The following LRRTM4 variants were observed in gnomAD, a reference collection of about 807,000 sequenced individuals.
LRRTM4 encodes the protein leucine-rich repeat transmembrane neuronal protein 4.
In LRRTM4, 25 loss-of-function variants were observed where a neutral mutation model predicts 47.6. The observed-to-expected ratio is 0.53, with a 90% CI of 0.38 to 0.73. The LOEUF (loss-of-function observed/expected upper bound fraction) is 0.73. Ranked by LOEUF, LRRTM4 falls within the 30% of genes least tolerant of loss-of-function variation. The pLI is 0.00. For synonymous variants in LRRTM4, 311 were observed against 269.5 expected (o/e 1.15, Z -1.51); for missense variants, 638 against 713.4 (o/e 0.89, Z 1.20).
rs140361072 is a variant in LRRTM4, at chr2:76,974,309, G to C, written c.1552-225393C>G. Among the ~76,000 whole-genome samples, 706 of 147,326 alleles carry C rather than the reference G, an allele frequency of 4.8e-3. 4 individuals are homozygous for C. Among genetic ancestry groups the C allele is most frequent in the South Asian group, 0.018 (87 of 4,726 alleles). ...TTGACATACCAGAGCATTATCAATGGTTTAACAGAATTTAAGCCTATTTTG... is the reference window on the plus strand; with the variant it reads ...TTGACATACCAGAGCATTATCAATGCTTTAACAGAATTTAAGCCTATTTTG... On this transcript the variant is annotated intron_variant, in intron 3 of 3. Transcript: ENST00000409884.
intron 3 of LRRTM4, among the ~76,000 whole-genome samples, chr2:76,885,048 A>C (rs755840431): frequency 1.3e-5 from 2 of 152,114 alleles, no homozygotes; most frequent in Non-Finnish European, 2.9e-5. Context: ...AAAAATACTT[A>C]TAATAAATAT....
chr2:77,089,826 G>A (rs937238078), intron 3 of LRRTM4, among the ~76,000 whole-genome samples: 1 of 152,058 alleles, frequency 6.6e-6, no homozygotes, highest in Non-Finnish European at 1.5e-5. Flanking sequence ...TTTCCATCCT[G>A]CAATATCTAA....
intron 3 of LRRTM4, among the ~76,000 whole-genome samples, chr2:77,099,487 T>C (rs1485323064): frequency 1.3e-5 from 2 of 152,026 alleles, no homozygotes; most frequent in Non-Finnish European, 2.9e-5. Flanking sequence ...ATATAAGATA[T>C]GTTAATAATC....
At chr2:77,253,939 T>G (rs72809132) in intron 3 of LRRTM4, among the ~76,000 whole-genome samples, 1 of 151,952 alleles carries the variant, frequency 6.6e-6, no homozygotes, top group Non-Finnish European at 1.5e-5. Flanking sequence ...GTTGAAAAGA[T>G]AGTTAAAGAA....
chr2:77,296,501 A>C (rs1043902397), intron 3 of LRRTM4, among the ~76,000 whole-genome samples: 1 of 152,074 alleles, frequency 6.6e-6, no homozygotes, highest in Admixed American at 6.6e-5. Context: ...GTTGTTCCTG[A>C]ACACAATTTT....
intron 3 of LRRTM4, among the ~76,000 whole-genome samples, chr2:77,130,428 A>G (rs182477467): frequency 1.4e-3 from 220 of 152,284 alleles, no homozygotes; most frequent in African/African-American, 4.8e-3. Flanking sequence ...TTTGTACACT[A>G]TGGAGTATTT....
At chr2:77,285,340 T>TATATATATA (rs1676621332) in intron 3 of LRRTM4, among the ~76,000 whole-genome samples, 1 of 82,610 alleles carries the variant, frequency 1.2e-5, no homozygotes, top group African/African-American at 4.2e-5. Flanking sequence ...AGCATTAAAT[T>TATATATATA]TATATATATA....
chr2:77,176,796 C>T (rs1384721390), intron 3 of LRRTM4, among the ~76,000 whole-genome samples: 1 of 152,000 alleles, frequency 6.6e-6, no homozygotes, highest in Admixed American at 6.6e-5. Flanking sequence ...CTTGTTTTAC[C>T]AGAAACCAAT....
intron 3 of LRRTM4, among the ~76,000 whole-genome samples, chr2:77,442,769 T>C (rs986192742): frequency 3.3e-5 from 5 of 152,192 alleles, no homozygotes; most frequent in African/African-American, 1.2e-4. Context: ...TGTTCAAGGC[T>C]ATGTAGAGAA....
chr2:77,032,975 A>G (rs1217999780), intron 3 of LRRTM4, among the ~76,000 whole-genome samples: 2 of 152,076 alleles, frequency 1.3e-5, no homozygotes, highest in Admixed American at 1.3e-4. Flanking sequence ...GACACATTTG[A>G]TATTTTATAA....
chr2:77,325,742 G>GA (rs918593324), intron 3 of LRRTM4, among the ~76,000 whole-genome samples: 39 of 152,144 alleles, frequency 2.6e-4, no homozygotes, highest in African/African-American at 9.4e-4. Flanking sequence ...CTATGTATCG[G>GA]AAAAAAGATG....
At chr2:77,200,574 G>A (rs1394204334) in intron 3 of LRRTM4, among the ~76,000 whole-genome samples, 2 of 152,106 alleles carry the variant, frequency 1.3e-5, no homozygotes, top group East Asian at 1.9e-4. Context: ...TGTTCTTAGA[G>A]AAATATTTTA....
intron 3 of LRRTM4, among the ~76,000 whole-genome samples, chr2:77,197,845 C>A (rs912945018): frequency 6.6e-6 from 1 of 152,172 alleles, no homozygotes; most frequent in Non-Finnish European, 1.5e-5. Context: ...TTACTGAAAA[C>A]TTGATTCCTT....
At chr2:76,790,209 A>G (rs916450799) in intron 3 of LRRTM4, among the ~76,000 whole-genome samples, 3 of 152,204 alleles carry the variant, frequency 2.0e-5, no homozygotes, top group Non-Finnish European at 2.9e-5. Context: ...TTCTAGGACT[A>G]TGAGTTAAAG....
chr2:77,485,992 G>A (rs1314110801), intron 3 of LRRTM4, among the ~76,000 whole-genome samples: 1 of 151,950 alleles, frequency 6.6e-6, no homozygotes, highest in African/African-American at 2.4e-5. Flanking sequence ...GTCTGCCTCA[G>A]CCTCTCAGAG....
chr2:77,124,123 G>A (rs920604302), intron 3 of LRRTM4, among the ~76,000 whole-genome samples: 1 of 152,056 alleles, frequency 6.6e-6, no homozygotes, highest in Non-Finnish European at 1.5e-5. Context: ...TAAAGCCATA[G>A]AGATTAGAAA....
chr2:77,173,545 G>A (rs948613023), intron 3 of LRRTM4, among the ~76,000 whole-genome samples: 55 of 152,026 alleles, frequency 3.6e-4, no homozygotes, highest in African/African-American at 1.2e-3. Flanking sequence ...TGATTTGAAC[G>A]GTCTTTATTA....
intron 3 of LRRTM4, among the ~76,000 whole-genome samples, chr2:76,848,992 C>T (rs4331533): frequency 0.33 from 50,098 of 151,942 alleles, 8,783 homozygotes; most frequent in East Asian, 0.63. Context: ...GCCATCTGTA[C>T]ATTCCCTGTT....
chr2:76,782,866 T>G (rs1469521527), intron 3 of LRRTM4, among the ~76,000 whole-genome samples: 1 of 152,194 alleles, frequency 6.6e-6, no homozygotes, highest in Non-Finnish European at 1.5e-5. Flanking sequence ...TTTAGAAAAT[T>G]TAAATCGCTA....
Sources: gnomAD v4.1 joint callset for allele counts (sites outside exome capture counted in the v4.1 genomes callset) on GRCh38, gnomAD v4.1.1 for gene constraint, MANE v1.5 for transcripts, NCBI Gene and HGNC (gene_info 2026-07-23, HGNC 2026-07-21) for gene names.